Variants in GLG1 observed in about 807,000 individuals in gnomAD.
The protein encoded by GLG1 is Golgi apparatus protein 1.
In GLG1, 38 loss-of-function variants were observed where a neutral mutation model predicts 160.5. The ratio of observed to expected loss-of-function variants is 0.24; its 90% CI spans 0.18 to 0.31. The LOEUF (loss-of-function observed/expected upper bound fraction) is 0.31. Among genes scored for constraint, GLG1 ranks in the 10% least tolerant of loss-of-function variants. GLG1 has a pLI of 1.00. For missense variants in GLG1, 1,373 were observed against 1,505.2 expected, an observed-to-expected ratio of 0.91 and a Z score of 1.45; for synonymous variants, 644 against 543.4, an observed-to-expected ratio of 1.19 and a Z score of -2.57.
At chr16:74,509,617 A>T (rs547631362) in intron 2 of GLG1, among the ~76,000 whole-genome samples, 93 of 152,140 alleles carry the variant, frequency 6.1e-4, no homozygotes, top group African/African-American at 2.1e-3. Flanking sequence ...TGGGAGGCAG[A>T]GGCGGGCGGA....
intron 1 of GLG1, among the ~76,000 whole-genome samples, chr16:74,541,795 G>C (rs1227034610): frequency 4.0e-5 from 6 of 151,884 alleles, no homozygotes; most frequent in Non-Finnish European, 5.9e-5. Context: ...TATGTGTATA[G>C]GTTATTTCTG....
At chr16:74,466,966 G>A (rs1405009540) in intron 18 of GLG1, among the ~76,000 whole-genome samples, 2 of 152,356 alleles carry the variant, frequency 1.3e-5, no homozygotes, top group Non-Finnish European at 2.9e-5. Flanking sequence ...AGCAATGACT[G>A]AGAATGTCCC....
At chr16:74,507,093 T>G (rs189424126) in intron 3 of GLG1, among the ~76,000 whole-genome samples, 1 of 152,326 alleles carries the variant, frequency 6.6e-6, no homozygotes, top group East Asian at 1.9e-4. Flanking sequence ...AGAAAGATGA[T>G]AGAATGAAAA....
At chr16:74,566,734 G>C (rs1056369112) in intron 1 of GLG1, among the ~76,000 whole-genome samples, 1 of 152,044 alleles carries the variant, frequency 6.6e-6, no homozygotes, top group Non-Finnish European at 1.5e-5. Flanking sequence ...GCATTACAGA[G>C]TCAAGACCAT....
At chr16:74,600,731 C>CAAAAAAAAAAAAAAAAA (rs56122377) in intron 1 of GLG1, among the ~76,000 whole-genome samples, 2 of 112,606 alleles carry the variant, frequency 1.8e-5, no homozygotes, top group Non-Finnish European at 1.8e-5. Context: ...GATTCCACCT[C>CAAAAAAAAAAAAAAAAA]AAAAAAAAAA....
intron 1 of GLG1, among the ~76,000 whole-genome samples, chr16:74,596,535 A>G (rs1190937096): frequency 6.6e-6 from 1 of 152,208 alleles, no homozygotes; most frequent in Non-Finnish European, 1.5e-5. Context: ...CAAAAAAAAA[A>G]TTATTGTGAT....
At chr16:74,475,601 T>G (rs982791189) in intron 12 of GLG1, among the ~76,000 whole-genome samples, 1 of 152,238 alleles carries the variant, frequency 6.6e-6, no homozygotes, top group African/African-American at 2.4e-5. Context: ...AGTCTATTAC[T>G]ATTCCTTCTA....
chr16:74,560,853 G>A (rs1313408550), intron 1 of GLG1, among the ~76,000 whole-genome samples: 2 of 151,950 alleles, frequency 1.3e-5, no homozygotes, highest in Non-Finnish European at 2.9e-5. Context: ...AGGGAAAGAA[G>A]GAAGGAAAGA....
At position 74,568,832 on chromosome 16, in the gene GLG1, G is replaced by T. The variant is rs182360957; in HGVS notation, c.439-36679C>A. On this transcript the variant is annotated intron_variant, in intron 1 of 25. Coordinates refer to ENST00000422840, the MANE Select transcript of GLG1 (RefSeq NM_001145667.2). ...GTGCAGTTATCTGCTTCTGGAAGTG[G>T]TTATTTAGAACAACCCTTTAACTAT... 5.9e-5 allele frequency among the ~76,000 whole-genome samples: 9 copies of T among 152,310 alleles called. No individual in the cohort carries two copies. The East Asian group carries it at 1.5e-3, about 26-fold the overall frequency.
rs757128329 is a variant in GLG1, at chr16:74,494,790, G to T, written c.1020C>A (p.Asn340Lys). Residue 340 changes from asparagine (N) to lysine (K), a missense_variant, in exon 6 of 26, where the codon AAC becomes AAA. Transcript: ENST00000422840. ...GEGRVYKCLF[N>K]HKFEESMSEK... ...CACTCATGGATTCTTCAAATTTATGGTTAAAGAGGCACTTATACACTCTGC... is the reference window on the plus strand; with the variant it reads ...CACTCATGGATTCTTCAAATTTATGTTTAAAGAGGCACTTATACACTCTGC... The T allele has an allele frequency of 2.7e-6, 4 of 1,486,938 alleles. No individual in the cohort carries two copies. Among genetic ancestry groups the T allele is most frequent in the African/African-American group, 1.4e-5 (1 of 72,594 alleles). The allele number at this position is 1,486,938 out of a possible 1,614,324, so 92.1% of individuals were successfully genotyped here.
At chr16:74,480,100 T>A in intron 11 of GLG1, 141 bp downstream of exon 11, 1 of 678,556 alleles carries the variant, frequency 1.5e-6, no homozygotes, top group Non-Finnish European at 2.5e-6. Flanking sequence ...AAGGAAGAAG[T>A]TTCTAGAAGT....
intron 4 of GLG1, among the ~76,000 whole-genome samples, chr16:74,499,930 G>A (rs1444714843): frequency 6.6e-6 from 1 of 152,170 alleles, no homozygotes; most frequent in East Asian, 1.9e-4. Flanking sequence ...ATGAACCTGG[G>A]AGGCGGAACT....
intron 1 of GLG1, among the ~76,000 whole-genome samples, chr16:74,565,716 C>T (rs1349326990): frequency 2.6e-5 from 4 of 152,338 alleles, no homozygotes; most frequent in South Asian, 4.1e-4. Flanking sequence ...TTTCCTGGTT[C>T]GAGAGGCTGC....
intron 1 of GLG1, among the ~76,000 whole-genome samples, chr16:74,590,707 G>A (rs1958158341): frequency 6.9e-6 from 1 of 144,374 alleles, no homozygotes; most frequent in South Asian, 2.2e-4. Context: ...TGAGGCAGGA[G>A]AATCACTTGA....
intron 16 of GLG1, 99 bp from the exon 17 acceptor site, chr16:74,469,162 G>A: frequency 2.6e-6 from 2 of 762,818 alleles, no homozygotes; most frequent in Non-Finnish European, 4.7e-6. Context: ...AATTCAAGAT[G>A]CCCTTTGGGG....
At chr16:74,563,310 C>T (rs577782497) in intron 1 of GLG1, 4 of 152,200 alleles carry the variant, frequency 2.6e-5, no homozygotes, top group Non-Finnish European at 5.9e-5. Context: ...CTGGTCCACT[C>T]CTTTTAACCT....
At chr16:74,588,501 C>T (rs60422797) in intron 1 of GLG1, among the ~76,000 whole-genome samples, 1,643 of 152,132 alleles carry the variant, frequency 0.011, 27 homozygotes, top group African/African-American at 0.037. Context: ...GCCACTGCAG[C>T]CTCGACTTCC....
intron 4 of GLG1, 30 bp downstream of exon 4, chr16:74,503,501 C>T (rs762067403): frequency 5.6e-6 from 8 of 1,434,610 alleles, no homozygotes; most frequent in Admixed American, 5.0e-5. Flanking sequence ...TTTAAGACCC[C>T]TTTGTTGAAG....
chr16:74,543,882 T>C (rs537352567), intron 1 of GLG1, among the ~76,000 whole-genome samples: 1 of 152,072 alleles, frequency 6.6e-6, no homozygotes, highest in Non-Finnish European at 1.5e-5. Flanking sequence ...TCTAATTCCC[T>C]GTGCTTCAGT....
Sources: gnomAD v4.1 joint callset for allele counts (sites outside exome capture counted in the v4.1 genomes callset) on GRCh38, gnomAD v4.1.1 for gene constraint, MANE v1.5 for transcripts, NCBI Gene and HGNC (gene_info 2026-07-23, HGNC 2026-07-21) for gene names.